The following REST variants were observed in gnomAD, a reference collection of about 807,000 sequenced individuals.
REST encodes RE1 silencing transcription factor.
In REST, 1 loss-of-function variant was observed where a neutral mutation model predicts 30.4. The ratio of observed to expected loss-of-function variants is 0.03; its 90% CI spans 0.01 to 0.16. REST has a LOEUF of 0.16. REST is among the 10% of genes least tolerant of loss of function. The probability of loss-of-function intolerance (pLI) is 1.00; values close to 1 mark genes in which losing one functional copy is unlikely to be tolerated. For synonymous variants in REST, 504 were observed against 451.1 expected (o/e 1.12, Z -1.49); for missense variants, 1,259 against 1,329.5 (o/e 0.95, Z 0.82).
chr4:56,910,617 GTTTTT>G lies in REST; in HGVS notation c.-9-12_-9-8del. On this transcript the variant is annotated splice_polypyrimidine_tract_variant and splice_region_variant and intron_variant, in intron 1 of 3. Coordinates refer to ENST00000309042, the MANE Select transcript of REST (RefSeq NM_005612.5). Reference sequence around the variant, plus strand: ...TAAACTGGTGCTCTTGTTTTGTTTTGTTTTTAATTCAGAATACAGTTATGGCCACC... The same window carrying G: ...TAAACTGGTGCTCTTGTTTTGTTTTGAATTCAGAATACAGTTATGGCCACC... The G allele has an allele frequency of 6.3e-7, 1 of 1,575,980 alleles. No homozygotes were observed.
intron 2 of REST, among the ~76,000 whole-genome samples, chr4:56,912,539 G>A (rs1467986006): frequency 6.6e-6 from 1 of 150,768 alleles, no homozygotes; most frequent in Non-Finnish European, 1.5e-5. Flanking sequence ...TTTTGAGACG[G>A]AGTCTGGCTC....
rs201662895 is a variant in REST, at chr4:56,914,963, C to T, written c.898+3427C>T. Among the ~76,000 whole-genome samples the T allele has an allele frequency of 7.3e-4, 91 of 124,764 alleles. No homozygotes were observed. In the East Asian group the frequency reaches 0.015, roughly 20 times the overall value. 81.9% of individuals were successfully genotyped at this position (124,764 alleles called of 152,430 possible). A position where few individuals can be genotyped will look rare whatever the true frequency, so the allele number is the denominator to read the frequency against. ...TTTTTTGAGACAGTTTTACTCTTGT[C>T]GCCCAGGGTGGAGTGCAATGGTGCA... On this transcript the variant is annotated intron_variant, in intron 2 of 3. Coordinates refer to ENST00000309042, the MANE Select transcript of REST (RefSeq NM_005612.5).
At chr4:56,922,032 G>C (rs1156934012) in intron 3 of REST, among the ~76,000 whole-genome samples, 1 of 152,126 alleles carries the variant, frequency 6.6e-6, no homozygotes, top group East Asian at 1.9e-4. Context: ...AAGGTGTCCT[G>C]TAGTATAGTT....
At position 56,919,769 on chromosome 4, in the gene REST, A is replaced by T; in HGVS notation, c.899-18A>T. 1 of 1,528,098 alleles carries T rather than the reference A, an allele frequency of 6.5e-7. No individual in the cohort carries two copies. The highest frequency in any genetic ancestry group is 9.0e-7 in the Non-Finnish European group (1 of 1,105,570). 94.7% of individuals were successfully genotyped at this position (1,528,098 alleles called of 1,614,324 possible). A position where few individuals can be genotyped will look rare whatever the true frequency, so the allele number is the denominator to read the frequency against. On this transcript the variant is annotated intron_variant, in intron 2 of 3. Coordinates refer to ENST00000309042, the MANE Select transcript of REST (RefSeq NM_005612.5). ...TTTCGTGACATTTAAACACTCTTAT[A>T]TTATTGAAATTTTGCAGGAGAACGC...
At chr4:56,912,887 C>T (rs927114107) in intron 2 of REST, among the ~76,000 whole-genome samples, 10 of 151,910 alleles carry the variant, frequency 6.6e-5, no homozygotes, top group Non-Finnish European at 1.2e-4. Context: ...CTCAGGTGAT[C>T]TACCCACTTT....
intron 3 of REST, among the ~76,000 whole-genome samples, chr4:56,929,057 C>T (rs1437898548): frequency 6.6e-6 from 1 of 150,808 alleles, no homozygotes; most frequent in Non-Finnish European, 1.5e-5. Flanking sequence ...CTCCACTATG[C>T]CTGGCTAATT....
chr4:56,919,051 G>A (rs1429134798), intron 2 of REST, among the ~76,000 whole-genome samples: 2 of 150,530 alleles, frequency 1.3e-5, no homozygotes, highest in Admixed American at 6.7e-5. Flanking sequence ...CAACAGGCAC[G>A]TACCACCATG....
Position 56,933,680 on chromosome 4 carries a change from C to T in REST, c.*1528C>T, listed in dbSNP as rs1721051922. On this transcript the variant is annotated 3_prime_UTR_variant, in exon 4 of 4. Transcript: ENST00000309042. Reference sequence around the variant, plus strand: ...CTTTGTATGAAAAAGGGCATGTACTCCAAAACATTTTTGTAGGTTCTTTGG... The same window carrying T: ...CTTTGTATGAAAAAGGGCATGTACTTCAAAACATTTTTGTAGGTTCTTTGG... The T allele has an allele frequency of 6.6e-6, 1 of 152,228 alleles. No individual in the cohort carries two copies. The highest frequency in any genetic ancestry group is 1.5e-5 in the Non-Finnish European group (1 of 68,014). 9.4% of individuals were successfully genotyped at this position (152,228 alleles called of 1,614,324 possible).
chr4:56,919,481 T>G (rs1248607815), intron 2 of REST, among the ~76,000 whole-genome samples: 2 of 152,214 alleles, frequency 1.3e-5, no homozygotes, highest in Non-Finnish European at 2.9e-5. Context: ...CTTATCAAGA[T>G]AGTTTTTTAC....
chr4:56,913,497 TGG>T (rs1196970795), intron 2 of REST, among the ~76,000 whole-genome samples: 1 of 152,188 alleles, frequency 6.6e-6, no homozygotes, highest in African/African-American at 2.4e-5. Flanking sequence ...ACTCTACTCT[TGG>T]GGTCACAAAT....
intron 2 of REST, among the ~76,000 whole-genome samples, chr4:56,911,799 G>A (rs1578486792): frequency 6.6e-6 from 1 of 152,176 alleles, no homozygotes; most frequent in Admixed American, 6.6e-5. Context: ...TCTTACTAAA[G>A]TACATATCCT....
rs1721000494 is a variant in REST at position 56,932,158 on chromosome 4, CTT to C, written c.*8_*9del. ...CAGCTCAAGGGCAGGAGTAATGAAA[CTT>C]TGAACAAGGTTTCAGTTCTTAGTTT... On this transcript the variant is annotated 3_prime_UTR_variant, in exon 4 of 4. Transcript: ENST00000309042. 1.3e-6 allele frequency: 2 copies of C among 1,589,282 alleles called. No individual in the cohort carries two copies. The highest frequency in any genetic ancestry group is 1.7e-6 in the Non-Finnish European group (2 of 1,167,656).
Position 56,919,847 on chromosome 4 carries a change from C to G in REST, c.959C>G (p.Thr320Ser). 1 of 1,604,466 alleles carries G rather than the reference C, an allele frequency of 6.2e-7. No homozygotes were observed. Among genetic ancestry groups the G allele is most frequent in the Non-Finnish European group, 8.5e-7 (1 of 1,172,862 alleles). ...PYSSSQKTHL[T>S]RHMRTHSGEK... The stretch of plus-strand genomic sequence containing the variant: ...TCAAGTTCTCAGAAGACTCATCTAA[C>G]TAGACATATGCGTACTCATTCAGGT... Residue 320 changes from threonine (T) to serine (S), a missense_variant, in exon 3 of 4, where the codon ACT becomes AGT. Physicochemically the swap from Thr to Ser is moderately conservative, Grantham distance 58. Coordinates refer to ENST00000309042, the MANE Select transcript of REST (RefSeq NM_005612.5).
Position 56,929,101 on chromosome 4 carries a change from G to A in REST, c.983-740G>A, listed in dbSNP as rs544227940. On this transcript the variant is annotated intron_variant, in intron 3 of 3. Coordinates refer to ENST00000309042, the MANE Select transcript of REST (RefSeq NM_005612.5). Reference sequence around the variant, plus strand: ...TTTTTTTTCTTTGAGACACAGTCTCGCTGTCACCTAGGCTGGAGTGAAGTA... The same window carrying A: ...TTTTTTTTCTTTGAGACACAGTCTCACTGTCACCTAGGCTGGAGTGAAGTA... Among the ~76,000 whole-genome samples the A allele has an allele frequency of 1.7e-3, 251 of 144,754 alleles. 2 individuals carry two copies. Among genetic ancestry groups the A allele is most frequent in the Non-Finnish European group, 2.8e-3 (185 of 66,680 alleles). 95.0% of individuals were successfully genotyped at this position (144,754 alleles called of 152,430 possible).
At chr4:56,916,074 C>A (rs1720182522) in intron 2 of REST, among the ~76,000 whole-genome samples, 1 of 149,272 alleles carries the variant, frequency 6.7e-6, no homozygotes. Context: ...GCACTCCAGC[C>A]TGGGGGACAG....
At position 56,920,754 on chromosome 4, in the gene REST, C is replaced by G. The variant is rs555108049; in HGVS notation, c.982+884C>G. ...GAAACTCTATCTTGAAAAAAAAGTC[C>G]CTATTGTCAAAGTATTCAAGTGGCC... is the stretch of plus-strand genomic sequence containing the variant. On this transcript the variant is annotated intron_variant, in intron 3 of 3. Transcript: ENST00000309042. Among the ~76,000 whole-genome samples the G allele has an allele frequency of 6.6e-5, 10 of 152,134 alleles. No individual in the cohort carries two copies. In the South Asian group the frequency reaches 2.1e-3, roughly 32 times the overall value.
At position 56,919,389 on chromosome 4, in the gene REST, T is replaced by G. The variant is rs932814932; in HGVS notation, c.899-398T>G. Among the ~76,000 whole-genome samples, 5 of 152,182 alleles carry G rather than the reference T, an allele frequency of 3.3e-5. No individual in the cohort carries two copies. In the East Asian group the frequency reaches 9.6e-4, roughly 29 times the overall value. The stretch of plus-strand genomic sequence containing the variant: ...TCATTTACAAGTTAAAAAAAAAACC[T>G]AAAAACCGGTGTTAATAGCATCAGA... On this transcript the variant is annotated intron_variant, in intron 2 of 3. Coordinates refer to ENST00000309042, the MANE Select transcript of REST (RefSeq NM_005612.5).
chr4:56,931,392 T>C lies in REST; in HGVS notation c.2534T>C (p.Val845Ala), dbSNP rs1339003277. The change falls in exon 4 of 4, where the codon GTT (valine) becomes GCT (alanine). Residue 845 changes from valine (V) to alanine (A), a missense_variant. This residue lies in a region of REST where 856 missense variants were observed against 772.8 expected (regional missense o/e 1.11). Coordinates refer to ENST00000309042, the MANE Select transcript of REST (RefSeq NM_005612.5). ...QVLIEVGLVP[V>A]KDSWLLKESV... is the part of the protein sequence containing the mutation. ...CTTATTGAAGTTGGCTTAGTGCCTG[T>C]TAAAGATAGCTGGCTTCTAAAGGAA... 1.2e-6 allele frequency: 2 copies of C among 1,614,112 alleles called. No homozygotes were observed. Among genetic ancestry groups the C allele is most frequent in the Non-Finnish European group, 1.7e-6 (2 of 1,180,052 alleles).
Position 56,911,008 on chromosome 4 carries a change from G to A in REST, c.370G>A (p.Val124Ile). 1 of 1,614,192 alleles carries A rather than the reference G, an allele frequency of 6.2e-7. No homozygotes were observed. Among genetic ancestry groups the A allele is most frequent in the Non-Finnish European group, 8.5e-7 (1 of 1,180,044 alleles). Residue 124 changes from valine to isoleucine, a missense_variant, in exon 2 of 4, where the codon GTA (valine) becomes ATA (isoleucine). Transcript: ENST00000309042. ...ACTCAGCGTCGTAGAACCTCAGCCT[G>A]TATTTGAGGCATCAGGTGCTCCAGA... ...LELSVVEPQP[V>I]FEASGAPDIY...
Sources: gnomAD v4.1 joint callset for allele counts (sites outside exome capture counted in the v4.1 genomes callset) on GRCh38, gnomAD v4.1.1 for gene constraint, gnomAD v4.1.1 regional missense constraint, MANE v1.5 for transcripts, NCBI Gene and HGNC (gene_info 2026-07-23, HGNC 2026-07-21) for gene names.